The following SLC36A3 variants were observed in gnomAD, a reference collection of about 807,000 sequenced individuals.
SLC36A3 encodes the protein solute carrier family 36 member 3, also known as proton-coupled amino acid transporter 3.
Under a neutral mutation model 44.3 loss-of-function variants are expected in SLC36A3, and 35 were observed. The ratio of observed to expected loss-of-function variants is 0.79; its 90% CI spans 0.60 to 1.05. The LOEUF is 1.05. Among genes scored for constraint, SLC36A3 ranks in the 50% least tolerant of loss-of-function variants. The probability of loss-of-function intolerance (pLI) is 0.00; values close to 1 mark genes in which losing one functional copy is unlikely to be tolerated. For synonymous variants in SLC36A3, 211 were observed against 227.6 expected (o/e 0.93, Z 0.66); for missense variants, 540 against 578.7 (o/e 0.93, Z 0.69).
chr5:151,298,724 G>T, intron 1 of SLC36A3, 41 bp from the exon 2 acceptor site: 3 of 1,601,946 alleles, frequency 1.9e-6, no homozygotes, highest in Non-Finnish European at 2.6e-6. Flanking sequence ...TACTGTTAGT[G>T]GAAGGGAAGC....
intron 4 of SLC36A3, among the ~76,000 whole-genome samples, chr5:151,289,362 A>G (rs35554743): frequency 0.08 from 12,161 of 151,956 alleles, 658 homozygotes; most frequent in East Asian, 0.22. Flanking sequence ...GGATCTAATG[A>G]AGGTTTGTAT....
chr5:151,296,517 G>C, intron 2 of SLC36A3: 1 of 537,012 alleles, frequency 1.9e-6, no homozygotes, highest in Non-Finnish European at 3.3e-6. Context: ...TTCCCACATA[G>C]CCCATGCATT....
At chr5:151,286,215 T>C (rs1754529422) in intron 6 of SLC36A3, among the ~76,000 whole-genome samples, 1 of 152,236 alleles carries the variant, frequency 6.6e-6, no homozygotes, top group South Asian at 2.1e-4. Context: ...GGAGAACTAA[T>C]GTTCCAGGAC....
intron 9 of SLC36A3, among the ~76,000 whole-genome samples, chr5:151,279,413 G>A (rs904966300): frequency 1.3e-5 from 2 of 152,188 alleles, no homozygotes; most frequent in Admixed American, 6.5e-5. Context: ...CTTGTGTCTA[G>A]CACAATGCCA....
At chr5:151,283,331 T>C (rs975038883) in intron 8 of SLC36A3, among the ~76,000 whole-genome samples, 4 of 152,150 alleles carry the variant, frequency 2.6e-5, no homozygotes, top group Non-Finnish European at 5.9e-5. Flanking sequence ...GTTTAAGGCT[T>C]TCCTGGAGAA....
Position 151,277,456 on chromosome 5 carries a change from G to A in SLC36A3, c.1350C>T (p.Ala450=). 3 of 1,614,146 alleles carry A rather than the reference G, an allele frequency of 1.9e-6. No homozygotes were observed. In the South Asian group the frequency reaches 3.3e-5, roughly 18 times the overall value. The change falls in exon 10 of 10, where the codon GCC becomes GCT. Residue 450 remains alanine (A), a synonymous_variant. Coordinates refer to ENST00000335230, the MANE Select transcript of SLC36A3 (RefSeq NM_181774.4). The part of the protein sequence containing the change: ...LLGCIFGTYQ[A]LYELPQPISH... ...TGATGGGTTGGGGCAACTCATAGAG[G>A]GCTTGGTATGTCCCAAATATACACC...
chr5:151,279,279 A>G (rs1754221797), intron 9 of SLC36A3, among the ~76,000 whole-genome samples: 1 of 151,388 alleles, frequency 6.6e-6, no homozygotes, highest in Admixed American at 6.6e-5. Context: ...ATGGTGCATT[A>G]TCATGTCCCA....
Position 151,277,642 on chromosome 5 carries a change from G to T in SLC36A3, c.1164C>A (p.Ile388=), listed in dbSNP as rs144480238. The T allele has an allele frequency of 3.5e-5, 57 of 1,613,980 alleles. No individual in the cohort carries two copies. In the East Asian group the frequency reaches 9.1e-4, roughly 26 times the overall value. Residue 388 remains isoleucine (I), a synonymous_variant, in exon 10 of 10, where the codon ATC becomes ATA. Coordinates refer to ENST00000335230, the MANE Select transcript of SLC36A3 (RefSeq NM_181774.4). The part of the protein sequence containing the change: ...VCLTCVSAIL[I]PRLDLVISLV... Reference sequence around the variant, plus strand: ...GGGAGATGACCAAGTCCAGGCGGGGGATGAGGATGGCTGAGACACCTGCAA... The same window carrying T: ...GGGAGATGACCAAGTCCAGGCGGGGTATGAGGATGGCTGAGACACCTGCAA...
intron 3 of SLC36A3, among the ~76,000 whole-genome samples, chr5:151,294,095 G>C (rs1032531165): frequency 1.3e-5 from 2 of 152,228 alleles, no homozygotes; most frequent in Admixed American, 6.5e-5. Flanking sequence ...TGGGAGAGAG[G>C]AAGGGCTCCA....
Position 151,303,602 on chromosome 5 carries a change from G to A in SLC36A3, c.-248C>T. Reference sequence around the variant, plus strand: ...TGAAAGACCCATCTCAGTCAGGATGGTCCTCAGTTTCACTCGCAATTGCTT... The same window carrying A: ...TGAAAGACCCATCTCAGTCAGGATGATCCTCAGTTTCACTCGCAATTGCTT... On this transcript the variant is annotated 5_prime_UTR_variant, in exon 1 of 10. Coordinates refer to ENST00000335230, the MANE Select transcript of SLC36A3 (RefSeq NM_181774.4). 1 of 421,924 alleles carries A rather than the reference G, an allele frequency of 2.4e-6. No individual in the cohort carries two copies. Among genetic ancestry groups the A allele is most frequent in the South Asian group, 5.5e-5 (1 of 18,054 alleles). 26.1% of individuals were successfully genotyped at this position (421,924 alleles called of 1,614,324 possible).
At chr5:151,289,839 C>CAATTAA (rs1754689992) in intron 4 of SLC36A3, among the ~76,000 whole-genome samples, 1 of 152,172 alleles carries the variant, frequency 6.6e-6, no homozygotes, top group Non-Finnish European at 1.5e-5. Flanking sequence ...TTGTTGGTGA[C>CAATTAA]TGCCAGATCT....
Position 151,277,648 on chromosome 5 carries a change from G to A in SLC36A3, c.1158C>T (p.Ile386=). ...ALVCLTCVSA[I]LIPRLDLVIS... ...TGACCAAGTCCAGGCGGGGGATGAGGATGGCTGAGACACCTGCAATGAAAG... is the reference window on the plus strand; with the variant it reads ...TGACCAAGTCCAGGCGGGGGATGAGAATGGCTGAGACACCTGCAATGAAAG... The change falls in exon 10 of 10, where the codon ATC becomes ATT. Residue 386 remains isoleucine (I), a synonymous_variant. Coordinates refer to ENST00000335230, the MANE Select transcript of SLC36A3 (RefSeq NM_181774.4). 1 of 1,614,004 alleles carries A rather than the reference G, an allele frequency of 6.2e-7. No individual in the cohort carries two copies. Among genetic ancestry groups the A allele is most frequent in the Non-Finnish European group, 8.5e-7 (1 of 1,179,940 alleles).
chr5:151,301,822 G>C (rs567702373), intron 1 of SLC36A3, among the ~76,000 whole-genome samples: 1 of 151,550 alleles, frequency 6.6e-6, no homozygotes, highest in East Asian at 1.9e-4. Context: ...TTGATAAATC[G>C]TCTCTGTCTA....
chr5:151,283,558 C>T (rs1225737051), intron 8 of SLC36A3, among the ~76,000 whole-genome samples: 2 of 152,192 alleles, frequency 1.3e-5, no homozygotes, highest in Admixed American at 6.5e-5. Context: ...CTCATCTAGT[C>T]ATTATCATAA....
chr5:151,281,570 C>G (rs1730372912), intron 8 of SLC36A3, among the ~76,000 whole-genome samples: 1 of 152,154 alleles, frequency 6.6e-6, no homozygotes, highest in Non-Finnish European at 1.5e-5. Flanking sequence ...GTAATCGCAG[C>G]AGTTTGAGAG....
rs190557986 is a variant in SLC36A3, at chr5:151,294,961, A to G, written c.308+1219T>C. 5.9e-5 allele frequency among the ~76,000 whole-genome samples: 9 copies of G among 152,244 alleles called. No individual in the cohort carries two copies. The East Asian group carries it at 1.5e-3, about 26-fold the overall frequency. ...CCAGGGTTTAAACATTGACTAAAAA[A>G]TAAAACTGTGAAGTCCCCCAAAACA... On this transcript the variant is annotated intron_variant, in intron 3 of 9. Transcript: ENST00000335230.
At chr5:151,295,033 T>A (rs1169523041) in intron 3 of SLC36A3, among the ~76,000 whole-genome samples, 1 of 150,844 alleles carries the variant, frequency 6.6e-6, no homozygotes, top group Non-Finnish European at 1.5e-5. Context: ...CTGCAACCTC[T>A]ATATTAGAAA....
intron 6 of SLC36A3, 98 bp downstream of exon 6, chr5:151,287,148 C>A: frequency 8.1e-7 from 1 of 1,231,380 alleles, no homozygotes; most frequent in Non-Finnish European, 1.1e-6. Flanking sequence ...CAGAGGATCA[C>A]CTTCCTCAGC....
intron 4 of SLC36A3, among the ~76,000 whole-genome samples, chr5:151,291,816 C>A (rs1754767672): frequency 6.6e-6 from 1 of 152,134 alleles, no homozygotes; most frequent in South Asian, 2.1e-4. Flanking sequence ...ACAGCTTGAG[C>A]ATCCATTAAT....
Sources: allele counts gnomAD v4.1 joint callset (sites outside exome capture counted in the v4.1 genomes callset), GRCh38; gene constraint gnomAD v4.1.1; transcripts MANE v1.5; gene names NCBI Gene and HGNC (gene_info 2026-07-23, HGNC 2026-07-21).